DSCAM: variants seen among roughly 807,000 people sequenced by gnomAD.
DSCAM encodes the protein cell adhesion molecule DSCAM.
A neutral mutation model predicts 217.7 loss-of-function variants in DSCAM; 47 were observed. The observed-to-expected ratio is 0.22, with a 90% CI of 0.17 to 0.28. The LOEUF is 0.28. Ranked by LOEUF, DSCAM falls within the 10% of genes least tolerant of loss-of-function variation. The pLI, the probability that DSCAM is intolerant of heterozygous loss-of-function variation, is 1.00. For missense variants in DSCAM, 2,080 were observed against 2,618.3 expected, an observed-to-expected ratio of 0.79 and a Z score of 4.49; for synonymous variants, 1,056 against 1,015.3, an observed-to-expected ratio of 1.04 and a Z score of -0.76.
chr21:40,327,229 C>A (rs2074327410), intron 8 of DSCAM, among the ~76,000 whole-genome samples: 2 of 152,078 alleles, frequency 1.3e-5, no homozygotes, highest in African/African-American at 4.8e-5. Context: ...AATTAGACAG[C>A]AAAAGTGTTA....
intron 3 of DSCAM, among the ~76,000 whole-genome samples, chr21:40,473,506 A>G (rs2075906987): frequency 6.6e-6 from 1 of 152,222 alleles, no homozygotes; most frequent in South Asian, 2.1e-4. Context: ...TGTTAACACC[A>G]GCGCAAATAT....
chr21:40,299,424 A>G (rs1601529433), intron 9 of DSCAM, among the ~76,000 whole-genome samples: 1 of 152,308 alleles, frequency 6.6e-6, no homozygotes, highest in Non-Finnish European at 1.5e-5. Context: ...GACTGGGAAC[A>G]TCCATGTACT....
rs537421036 is a variant in DSCAM at position 40,134,686 on chromosome 21, G to C, written c.3407-677C>G. On this transcript the variant is annotated intron_variant, in intron 18 of 32. Coordinates refer to ENST00000400454, the MANE Select transcript of DSCAM (RefSeq NM_001389.5). ...GGCAACTATGTGAGATGGTGGACCC[G>C]CTGTTAATTTGCTTGATTGTGGCGA... Among the ~76,000 whole-genome samples, 12 of 152,270 alleles carry C rather than the reference G, an allele frequency of 7.9e-5. No homozygotes were observed. In the South Asian group the frequency reaches 2.3e-3, roughly 29 times the overall value.
chr21:40,380,905 T>G (rs1287554431), intron 3 of DSCAM, among the ~76,000 whole-genome samples: 1 of 150,734 alleles, frequency 6.6e-6, no homozygotes, highest in African/African-American at 2.4e-5. Context: ...CTACTAAAAA[T>G]GCAAAAAATT....
At chr21:40,690,349 T>G (rs2090525895) in intron 3 of DSCAM, among the ~76,000 whole-genome samples, 1 of 152,208 alleles carries the variant, frequency 6.6e-6, no homozygotes, top group South Asian at 2.1e-4. Context: ...CAAGGTCATT[T>G]TTAGTGACAA....
At chr21:40,663,400 A>G (rs557527291) in intron 3 of DSCAM, among the ~76,000 whole-genome samples, 42 of 152,150 alleles carry the variant, frequency 2.8e-4, no homozygotes, top group African/African-American at 8.7e-4. Flanking sequence ...GGCCAGTCGC[A>G]CACAACGTGG....
chr21:40,773,339 A>G (rs2091462640), intron 1 of DSCAM, among the ~76,000 whole-genome samples: 2 of 152,122 alleles, frequency 1.3e-5, no homozygotes, highest in Admixed American at 6.5e-5. Context: ...TCTGCCAGCA[A>G]TCTTTGGCAT....
chr21:40,794,542 GA>G (rs35301932), intron 1 of DSCAM, among the ~76,000 whole-genome samples: 1,753 of 138,236 alleles, frequency 0.013, 24 homozygotes, highest in African/African-American at 0.042. Flanking sequence ...AGTCAAATTG[GA>G]AAAAAAAAAA....
chr21:40,462,668 C>A (rs1486570666), intron 3 of DSCAM, among the ~76,000 whole-genome samples: 1 of 152,142 alleles, frequency 6.6e-6, no homozygotes. Context: ...TACATTGAAA[C>A]CACTCAGGGC....
chr21:40,189,820 G>A (rs912376551), intron 11 of DSCAM, among the ~76,000 whole-genome samples: 1 of 152,138 alleles, frequency 6.6e-6, no homozygotes, highest in East Asian at 1.9e-4. Context: ...ACATGGAACT[G>A]TAAGTCCATT....
chr21:40,785,832 C>A (rs1344760497), intron 1 of DSCAM, among the ~76,000 whole-genome samples: 1 of 152,192 alleles, frequency 6.6e-6, no homozygotes, highest in East Asian at 1.9e-4. Context: ...AGAGACAGAC[C>A]CACATAAAAT....
At chr21:40,706,244 A>G (rs1032079023) in intron 2 of DSCAM, among the ~76,000 whole-genome samples, 7 of 152,076 alleles carry the variant, frequency 4.6e-5, no homozygotes, top group Non-Finnish European at 1.0e-4. Context: ...GAAAACAATC[A>G]TGAGAAATCT....
intron 3 of DSCAM, among the ~76,000 whole-genome samples, chr21:40,580,569 T>C (rs2076897094): frequency 6.6e-6 from 1 of 150,656 alleles, no homozygotes; most frequent in Non-Finnish European, 1.5e-5. Context: ...ACTGAGAACG[T>C]TAAAAAGAAG....
intron 1 of DSCAM, among the ~76,000 whole-genome samples, chr21:40,750,213 C>G (rs1474833452): frequency 6.6e-6 from 1 of 152,166 alleles, no homozygotes; most frequent in Non-Finnish European, 1.5e-5. Context: ...CAGGCATGAG[C>G]CACCATGCCT....
intron 28 of DSCAM, among the ~76,000 whole-genome samples, chr21:40,058,241 C>G (rs892993344): frequency 1.3e-5 from 2 of 152,024 alleles, no homozygotes; most frequent in African/African-American, 4.8e-5. Flanking sequence ...CCCCTGCTAC[C>G]CCCAAAACCC....
intron 3 of DSCAM, among the ~76,000 whole-genome samples, chr21:40,515,936 C>CT (rs912171304): frequency 3.2e-4 from 49 of 151,232 alleles, no homozygotes; most frequent in Middle Eastern, 3.4e-3. Context: ...ACAAAACTTT[C>CT]TTTTTTTTTC....
intron 16 of DSCAM, among the ~76,000 whole-genome samples, chr21:40,147,481 C>A (rs994547852): frequency 6.6e-6 from 1 of 152,176 alleles, no homozygotes; most frequent in African/African-American, 2.4e-5. Context: ...AAAGAAAATT[C>A]TTTACATTTT....
chr21:40,664,721 C>A (rs1335560228), intron 3 of DSCAM, among the ~76,000 whole-genome samples: 2 of 152,164 alleles, frequency 1.3e-5, no homozygotes, highest in African/African-American at 4.8e-5. Flanking sequence ...TAAGGGACAA[C>A]AGTGGATGTG....
At chr21:40,331,866 T>C (rs1340067842) in intron 8 of DSCAM, among the ~76,000 whole-genome samples, 1 of 152,192 alleles carries the variant, frequency 6.6e-6, no homozygotes, top group Non-Finnish European at 1.5e-5. Context: ...AGACATTTAT[T>C]TACCTGTGAT....
Sources: allele counts gnomAD v4.1 joint callset (sites outside exome capture counted in the v4.1 genomes callset), GRCh38; gene constraint gnomAD v4.1.1; transcripts MANE v1.5; gene names NCBI Gene and HGNC (gene_info 2026-07-23, HGNC 2026-07-21).